The following OSBPL1A variants were observed in gnomAD, a reference collection of about 807,000 sequenced individuals.
OSBPL1A encodes the protein oxysterol binding protein like 1A.
A neutral mutation model predicts 137.1 loss-of-function variants in OSBPL1A; 80 were observed. That is an observed-to-expected ratio of 0.58 (90% CI 0.49 to 0.70). OSBPL1A has a LOEUF of 0.70. Ranked by LOEUF, OSBPL1A falls within the 30% of genes least tolerant of loss-of-function variation. OSBPL1A has a pLI of 0.00. For missense variants in OSBPL1A, 970 were observed against 1,129.4 expected, an observed-to-expected ratio of 0.86 and a Z score of 2.02; for synonymous variants, 365 against 389.7, an observed-to-expected ratio of 0.94 and a Z score of 0.75.
chr18:24,258,155 G>T (rs922555240), intron 15 of OSBPL1A, among the ~76,000 whole-genome samples: 1 of 152,172 alleles, frequency 6.6e-6, no homozygotes, highest in African/African-American at 2.4e-5. Context: ...ATACGGAAGA[G>T]ATATCTGCAC....
At chr18:24,267,463 G>C (rs1182571986) in intron 15 of OSBPL1A, among the ~76,000 whole-genome samples, 1 of 151,520 alleles carries the variant, frequency 6.6e-6, no homozygotes, top group Non-Finnish European at 1.5e-5. Flanking sequence ...ACCCTGATGA[G>C]GACAGAACAA....
chr18:24,287,762 ACT>A (rs2090093174), intron 14 of OSBPL1A, among the ~76,000 whole-genome samples: 1 of 92,830 alleles, frequency 1.1e-5, no homozygotes, highest in South Asian at 3.2e-4. Context: ...ACAGAGAGAG[ACT>A]CTGTCTCAAA....
intron 1 of OSBPL1A, among the ~76,000 whole-genome samples, chr18:24,394,437 T>G (rs999902333): frequency 6.6e-6 from 1 of 152,216 alleles, no homozygotes; most frequent in Non-Finnish European, 1.5e-5. Flanking sequence ...TAAGCACTAA[T>G]TCCTAGATGC....
At chr18:24,168,537 A>G (rs535988778) in intron 24 of OSBPL1A, among the ~76,000 whole-genome samples, 1 of 152,312 alleles carries the variant, frequency 6.6e-6, no homozygotes, top group South Asian at 2.1e-4. Context: ...TTTATGCAGC[A>G]ATCCCTCGAG....
chr18:24,272,898 TATTAATTA>T (rs541311882), intron 15 of OSBPL1A, among the ~76,000 whole-genome samples: 1 of 152,136 alleles, frequency 6.6e-6, no homozygotes, highest in African/African-American at 2.4e-5. Context: ...TATTTTATTG[TATTAATTA>T]ATTAATTTAT....
At chr18:24,391,101 C>G (rs911867715) in intron 1 of OSBPL1A, among the ~76,000 whole-genome samples, 11 of 152,054 alleles carry the variant, frequency 7.2e-5, no homozygotes, top group African/African-American at 2.7e-4. Context: ...GACTCTGTCT[C>G]AATCGATTGA....
chr18:24,293,037 G>C (rs1382402670), intron 14 of OSBPL1A, among the ~76,000 whole-genome samples: 4 of 148,090 alleles, frequency 2.7e-5, no homozygotes, highest in African/African-American at 1.0e-4. Flanking sequence ...ACCTGGGGGC[G>C]GAGGTTGCAG....
intron 15 of OSBPL1A, among the ~76,000 whole-genome samples, chr18:24,269,131 T>C (rs2089654410): frequency 6.6e-6 from 1 of 152,226 alleles, no homozygotes. Flanking sequence ...GTTCAGTCCC[T>C]GATTATCTCT....
At chr18:24,351,712 G>C (rs968113803) in intron 4 of OSBPL1A, among the ~76,000 whole-genome samples, 1 of 152,060 alleles carries the variant, frequency 6.6e-6, no homozygotes, top group African/African-American at 2.4e-5. Flanking sequence ...GATAATTTTT[G>C]TATTTTTAGT....
intron 1 of OSBPL1A, among the ~76,000 whole-genome samples, chr18:24,380,241 G>A (rs1034986573): frequency 4.6e-5 from 7 of 152,158 alleles, no homozygotes; most frequent in African/African-American, 1.7e-4. Flanking sequence ...AAGCCACCAG[G>A]GGTGTAGCTC....
At chr18:24,166,318 G>A (rs987606217) in intron 26 of OSBPL1A, among the ~76,000 whole-genome samples, 8 of 152,106 alleles carry the variant, frequency 5.3e-5, no homozygotes, top group African/African-American at 1.9e-4. Flanking sequence ...TTTATTAGTC[G>A]GAATATGCCT....
chr18:24,290,060 CA>C (rs1428833924), intron 14 of OSBPL1A, among the ~76,000 whole-genome samples: 10 of 151,256 alleles, frequency 6.6e-5, no homozygotes, highest in African/African-American at 1.9e-4. Context: ...GGACAATGTA[CA>C]AAAAAAGGCT....
At chr18:24,293,671 G>C (rs560117258) in intron 14 of OSBPL1A, among the ~76,000 whole-genome samples, 1 of 152,144 alleles carries the variant, frequency 6.6e-6, no homozygotes, top group Non-Finnish European at 1.5e-5. Flanking sequence ...ACTGGCAGGC[G>C]TAGGCCAGGC....
intron 18 of OSBPL1A, among the ~76,000 whole-genome samples, chr18:24,192,056 T>G (rs986807625): frequency 3.3e-5 from 5 of 152,232 alleles, no homozygotes; most frequent in Admixed American, 3.3e-4. Context: ...GTATTCCTGA[T>G]GTACCAGACC....
Position 24,166,688 on chromosome 18 carries a change from A to G in OSBPL1A, c.2550T>C (p.Thr850=). 3.1e-6 allele frequency: 5 copies of G among 1,609,704 alleles called. No homozygotes were observed. Among genetic ancestry groups the G allele is most frequent in the South Asian group, 1.1e-5 (1 of 89,834 alleles). ...PPNSAQMYNF[T]SFAMVLNEVD... ...CTTCATTCAAAACCATTGCAAAACT[A>G]GTAAAATTATACATCTGAAAAGAAG... The change falls in exon 26 of 28, where the codon ACT becomes ACC. Residue 850 remains threonine (T), a synonymous_variant. Transcript: ENST00000319481.
At chr18:24,328,432 C>G (rs185602584) in intron 7 of OSBPL1A, among the ~76,000 whole-genome samples, 64 of 151,992 alleles carry the variant, frequency 4.2e-4, no homozygotes, top group Non-Finnish European at 7.1e-4. Flanking sequence ...TGTCTTCACA[C>G]CTCTGTCGAA....
At chr18:24,381,767 G>A (rs1168535759) in intron 1 of OSBPL1A, among the ~76,000 whole-genome samples, 4 of 151,924 alleles carry the variant, frequency 2.6e-5, no homozygotes, top group Non-Finnish European at 4.4e-5. Flanking sequence ...AGCCCAGCCT[G>A]GCCAACATGG....
intron 7 of OSBPL1A, among the ~76,000 whole-genome samples, chr18:24,321,028 CAA>C (rs368453121): frequency 7.3e-5 from 5 of 68,290 alleles, no homozygotes; most frequent in Admixed American, 3.7e-4. Flanking sequence ...GACTTCGTCT[CAA>C]AAAAAAAAAA....
At chr18:24,181,096 T>C (rs1385068167) in intron 19 of OSBPL1A, 49 bp downstream of exon 19, 1 of 1,585,672 alleles carries the variant, frequency 6.3e-7, no homozygotes, top group East Asian at 2.2e-5. Flanking sequence ...GGGGCTGGGT[T>C]GGTAGCAAGG....
Sources: gnomAD v4.1 joint callset for allele counts (sites outside exome capture counted in the v4.1 genomes callset) on GRCh38, gnomAD v4.1.1 for gene constraint, MANE v1.5 for transcripts, NCBI Gene and HGNC (gene_info 2026-07-23, HGNC 2026-07-21) for gene names.